The following LRRC75A variants were observed in gnomAD, a reference collection of about 807,000 sequenced individuals.
LRRC75A encodes leucine rich repeat containing 75A.
A neutral mutation model predicts 26.0 loss-of-function variants in LRRC75A; 12 were observed. The ratio of observed to expected loss-of-function variants is 0.46; its 90% CI spans 0.30 to 0.75. LRRC75A has a LOEUF of 0.75. LRRC75A is among the 30% of genes least tolerant of loss of function. The pLI, the probability that LRRC75A is intolerant of heterozygous loss-of-function variation, is 0.08. For synonymous variants in LRRC75A, 223 were observed against 219.3 expected (o/e 1.02, Z -0.15); for missense variants, 410 against 486.6 (o/e 0.84, Z 1.48).
chr17:16,492,000 GC>G lies in LRRC75A; in HGVS notation c.-11del. 8.6e-7 allele frequency: 1 copy of G among 1,162,400 alleles called. No individual in the cohort carries two copies. The highest frequency in any genetic ancestry group is 4.1e-5 in the South Asian group (1 of 24,660). The allele number at this position is 1,162,400 out of a possible 1,614,324, so 72.0% of individuals were successfully genotyped here. ...TCTGCCGGGTGCCCATGCCGCCGCC[GC>G]CCGCCGGGACTCTCCGCTCTGGGCC... is the stretch of plus-strand genomic sequence containing the variant. On this transcript the variant is annotated 5_prime_UTR_variant, in exon 1 of 4. Coordinates refer to ENST00000470794, the MANE Select transcript of LRRC75A (RefSeq NM_001113567.3). The surrounding 1 kb of genome is among the most constrained non-coding windows in gnomAD (Gnocchi z 5.9).
Position 16,447,779 on chromosome 17 carries a change from C to T in LRRC75A, c.491+66G>A, listed in dbSNP as rs2093598372. The T allele has an allele frequency of 1.7e-5, 22 of 1,259,148 alleles. No homozygotes were observed. The South Asian group carries it at 3.2e-4, about 18-fold the overall frequency. 78.0% of individuals were successfully genotyped at this position (1,259,148 alleles called of 1,614,324 possible). A position where few individuals can be genotyped will look rare whatever the true frequency, so the allele number is the denominator to read the frequency against. On this transcript the variant is annotated intron_variant, in intron 3 of 3. Coordinates refer to ENST00000470794, the MANE Select transcript of LRRC75A (RefSeq NM_001113567.3). ...CTCCGCCCTTCCCTTCCCTACATCC[C>T]TGGGAGGGGTGCCCTGTAACACACA...
intron 1 of LRRC75A, among the ~76,000 whole-genome samples, chr17:16,483,644 G>A (rs2093839665): frequency 6.6e-6 from 1 of 152,224 alleles, no homozygotes; most frequent in Non-Finnish European, 1.5e-5. Context: ...CTGGAACTGG[G>A]GAAACTGAGG....
In LRRC75A at chr17:16,474,177, A is replaced by G. The variant is rs1232456599; in HGVS notation, c.247-11791T>C. 4.8e-5 allele frequency among the ~76,000 whole-genome samples: 7 copies of G among 145,070 alleles called. No individual in the cohort carries two copies. The East Asian group carries it at 1.5e-3, about 31-fold the overall frequency. On this transcript the variant is annotated intron_variant, in intron 1 of 3. Transcript: ENST00000470794. ...GCCCACACGTGGCTGACGGTGGGGGACAGACGTGGGTTAGATCCTAAGTCA... is the reference window on the plus strand; with the variant it reads ...GCCCACACGTGGCTGACGGTGGGGGGCAGACGTGGGTTAGATCCTAAGTCA...
In LRRC75A at chr17:16,442,194, A is replaced by G. The variant is rs762960477; in HGVS notation, c.*1394T>C. The G allele has an allele frequency of 6.6e-6, 1 of 152,240 alleles. No individual in the cohort carries two copies. The highest frequency in any genetic ancestry group is 1.5e-5 in the Non-Finnish European group (1 of 68,102). The allele number at this position is 152,240 out of a possible 1,614,324, so 9.4% of individuals were successfully genotyped here. A position where few individuals can be genotyped will look rare whatever the true frequency, so the allele number is the denominator to read the frequency against. ...GCTCAAAGCATTTAAGGCCTCCTCA[A>G]TTTCGGCCCCTGCTGCTCTGTGCTC... On this transcript the variant is annotated 3_prime_UTR_variant, in exon 4 of 4. Transcript: ENST00000470794.
In LRRC75A at chr17:16,462,274, A is replaced by T; in HGVS notation, c.359T>A (p.Ile120Asn). 1 of 1,614,026 alleles carries T rather than the reference A, an allele frequency of 6.2e-7. No homozygotes were observed. Among genetic ancestry groups the T allele is most frequent in the Non-Finnish European group, 8.5e-7 (1 of 1,179,968 alleles). Reference protein sequence around the residue: ...HDLIISLARYIHCPKPEGDAL... With the variant: ...HDLIISLARYNHCPKPEGDAL... ...CCACCCTACCGGCTTGGGACAGTGG[A>T]TGTAGCGTGCCAGGCTGATGATGAG... Residue 120 changes from isoleucine (I) to asparagine (N), a missense_variant, in exon 2 of 4, where the codon ATC becomes AAC. By Grantham distance (149) the Ile-to-Asn change is moderately radical. Coordinates refer to ENST00000470794, the MANE Select transcript of LRRC75A (RefSeq NM_001113567.3). This position sits in a 1 kb window ranked among gnomAD's most constrained non-coding sequence, Gnocchi z 4.6.
At chr17:16,455,944 T>A (rs902751322) in intron 2 of LRRC75A, among the ~76,000 whole-genome samples, 5 of 152,082 alleles carry the variant, frequency 3.3e-5, no homozygotes, top group African/African-American at 4.8e-5. Context: ...TTTTCCCAAC[T>A]CTTCCACTTT....
At chr17:16,487,338 T>G (rs916928326) in intron 1 of LRRC75A, among the ~76,000 whole-genome samples, 3 of 152,224 alleles carry the variant, frequency 2.0e-5, no homozygotes, top group African/African-American at 7.2e-5. Flanking sequence ...GGTGACCTTC[T>G]GAGGTCATTA....
rs185630838 is a variant in LRRC75A at position 16,469,820 on chromosome 17, G to A, written c.247-7434C>T. 2.8e-4 allele frequency among the ~76,000 whole-genome samples: 43 copies of A among 152,328 alleles called. 1 individual carries two copies. Among genetic ancestry groups the A allele is most frequent in the Admixed American group, 2.7e-3 (41 of 15,300 alleles). ...ATCTCTTCCCGCCTTGGGAGTTGCT[G>A]TCTCTGAACCGATGCAGACAGAGGC... is the stretch of plus-strand genomic sequence containing the variant. On this transcript the variant is annotated intron_variant, in intron 1 of 3. Transcript: ENST00000470794.
chr17:16,443,892 C>A lies in LRRC75A; in HGVS notation c.731G>T (p.Arg244Leu). 1.9e-6 allele frequency: 3 copies of A among 1,613,336 alleles called. No homozygotes were observed. Among genetic ancestry groups the A allele is most frequent in the Non-Finnish European group, 2.5e-6 (3 of 1,179,434 alleles). ...GTCAGTGAGGTCGCGCAGCACGGCC[C>A]GGGTCAACCGGTTGCCATTGAGTGC... is the stretch of plus-strand genomic sequence containing the variant. Reference protein sequence around the residue: ...TLALNGNRLTRAVLRDLTDIL... With the variant: ...TLALNGNRLTLAVLRDLTDIL... Residue 244 changes from arginine to leucine, a missense_variant, in exon 4 of 4, where the codon CGG becomes CTG. By Grantham distance (102) the Arg-to-Leu change is moderately radical. Transcript: ENST00000470794.
At chr17:16,449,069 A>G (rs2093610136) in intron 2 of LRRC75A, among the ~76,000 whole-genome samples, 1 of 152,116 alleles carries the variant, frequency 6.6e-6, no homozygotes, top group Non-Finnish European at 1.5e-5. Flanking sequence ...TGCTCCTGCC[A>G]GTGGGCCAGT....
At chr17:16,448,111 CAGA>C in intron 2 of LRRC75A, 151 bp from the exon 3 acceptor site, 1 of 684,818 alleles carries the variant, frequency 1.5e-6, no homozygotes, top group Non-Finnish European at 2.6e-6. Flanking sequence ...GCACCCTAGG[CAGA>C]CAGCAGTGGC....
chr17:16,469,910 C>G (rs553299840), intron 1 of LRRC75A, among the ~76,000 whole-genome samples: 1 of 152,116 alleles, frequency 6.6e-6, no homozygotes, highest in Non-Finnish European at 1.5e-5. Flanking sequence ...TTGTCACTTG[C>G]GTGGTACAGG....
At position 16,462,357 on chromosome 17, in the gene LRRC75A, G is replaced by T. The variant is rs138746572; in HGVS notation, c.276C>A (p.Asp92Glu). Reference protein sequence around the residue: ...QDLGMESTSLDDVLYRYASFR... With the variant: ...QDLGMESTSLEDVLYRYASFR... ...AGCTGGCGTAGCGATACAGAACGTC[G>T]TCTAGCGAGGTCGACTCCATGCCCA... is the stretch of plus-strand genomic sequence containing the variant. Residue 92 changes from aspartate (D) to glutamate (E), a missense_variant, in exon 2 of 4, where the codon GAC becomes GAA. By Grantham distance (45) the Asp-to-Glu change is conservative. Coordinates refer to ENST00000470794, the MANE Select transcript of LRRC75A (RefSeq NM_001113567.3). The surrounding 1 kb of genome is among the most constrained non-coding windows in gnomAD (Gnocchi z 4.6). The T allele has an allele frequency of 6.2e-7, 1 of 1,614,124 alleles. No homozygotes were observed. Among genetic ancestry groups the T allele is most frequent in the South Asian group, 1.1e-5 (1 of 91,078 alleles).
Position 16,443,503 on chromosome 17 carries a change from C to T in LRRC75A, c.*85G>A, listed in dbSNP as rs767838165. 3.1e-5 allele frequency: 41 copies of T among 1,308,720 alleles called. No homozygotes were observed. Among genetic ancestry groups the T allele is most frequent in the Non-Finnish European group, 4.1e-5 (40 of 982,696 alleles). 81.1% of individuals were successfully genotyped at this position (1,308,720 alleles called of 1,614,324 possible). ...CCAATTTTTGGCAATATCCTTAACC[C>T]ACCTGATAGGAGAAGCGCCCTCCCC... is the stretch of plus-strand genomic sequence containing the variant. On this transcript the variant is annotated 3_prime_UTR_variant, in exon 4 of 4. Transcript: ENST00000470794.
At chr17:16,485,669 T>TGTGTGTGTG (rs1555893680) in intron 1 of LRRC75A, among the ~76,000 whole-genome samples, 33 of 114,226 alleles carry the variant, frequency 2.9e-4, no homozygotes, top group African/African-American at 9.3e-4. Context: ...TGTGTGTGTG[T>TGTGTGTGTG]TCGTGTGTGT....
chr17:16,446,068 C>G (rs1008619942), intron 3 of LRRC75A, among the ~76,000 whole-genome samples: 1 of 152,154 alleles, frequency 6.6e-6, no homozygotes, highest in Non-Finnish European at 1.5e-5. Flanking sequence ...AACATCATGC[C>G]CAGCTAATTT....
In LRRC75A at chr17:16,462,140, C is replaced by G; in HGVS notation, c.375+118G>C. ...CCTCAAGCTCTTGGTGCCTGGAGGA[C>G]GGGCTTGTCCTCCTTGGGCCTGTCT... is the stretch of plus-strand genomic sequence containing the variant. On this transcript the variant is annotated intron_variant, in intron 2 of 3. Transcript: ENST00000470794. This position sits in a 1 kb window ranked among gnomAD's most constrained non-coding sequence, Gnocchi z 4.6. 7.6e-7 allele frequency: 1 copy of G among 1,310,858 alleles called. No individual in the cohort carries two copies. Among genetic ancestry groups the G allele is most frequent in the Non-Finnish European group, 1.0e-6 (1 of 960,226 alleles). 81.2% of individuals were successfully genotyped at this position (1,310,858 alleles called of 1,614,324 possible). A position where few individuals can be genotyped will look rare whatever the true frequency, so the allele number is the denominator to read the frequency against.
chr17:16,466,031 C>T (rs2093766068), intron 1 of LRRC75A, among the ~76,000 whole-genome samples: 2 of 152,248 alleles, frequency 1.3e-5, no homozygotes, highest in Admixed American at 1.3e-4. Flanking sequence ...CCATGGCACA[C>T]ATTATTGCTT....
rs1346301693 is a variant in LRRC75A, at chr17:16,462,147, G to A, written c.375+111C>T. 6.6e-5 allele frequency: 85 copies of A among 1,282,488 alleles called. No individual in the cohort carries two copies. Among genetic ancestry groups the A allele is most frequent in the Non-Finnish European group, 2.1e-6 (2 of 936,566 alleles). 79.4% of individuals were successfully genotyped at this position (1,282,488 alleles called of 1,614,324 possible). ...CTCTTGGTGCCTGGAGGACGGGCTT[G>A]TCCTCCTTGGGCCTGTCTGCCAGTC... On this transcript the variant is annotated intron_variant, in intron 2 of 3. Coordinates refer to ENST00000470794, the MANE Select transcript of LRRC75A (RefSeq NM_001113567.3). This position sits in a 1 kb window ranked among gnomAD's most constrained non-coding sequence, Gnocchi z 4.6.
Sources: allele counts gnomAD v4.1 joint callset (sites outside exome capture counted in the v4.1 genomes callset), GRCh38; gene constraint gnomAD v4.1.1; non-coding constraint Gnocchi (gnomAD v3.1); transcripts MANE v1.5; gene names NCBI Gene and HGNC (gene_info 2026-07-23, HGNC 2026-07-21).